VWA3A: variants seen among roughly 807,000 people sequenced by gnomAD.
VWA3A encodes the protein von Willebrand factor A domain containing 3A.
VWA3A carries 134 observed loss-of-function variants against 160.4 expected under a neutral mutation model. The ratio of observed to expected loss-of-function variants is 0.84; its 90% CI spans 0.73 to 0.96. The LOEUF is 0.96. VWA3A is among the 40% of genes least tolerant of loss of function. The probability of loss-of-function intolerance (pLI) is 0.00; values close to 1 mark genes in which losing one functional copy is unlikely to be tolerated. For synonymous variants in VWA3A, 476 were observed against 543.4 expected (o/e 0.88, Z 1.72); for missense variants, 1,310 against 1,447.9 (o/e 0.90, Z 1.55).
intron 22 of VWA3A, 162 bp downstream of exon 22, chr16:22,138,674 C>G: frequency 1.0e-6 from 1 of 952,434 alleles, no homozygotes; most frequent in East Asian, 2.7e-5. Flanking sequence ...GGGGGAAAAT[C>G]TCCCGCGGGG....
chr16:22,108,101 C>A (rs1451451763), intron 6 of VWA3A, among the ~76,000 whole-genome samples: 1 of 152,110 alleles, frequency 6.6e-6, no homozygotes, highest in Non-Finnish European at 1.5e-5. Context: ...ATCACCTTGA[C>A]ATGTGTGGTT....
chr16:22,109,731 G>T (rs377215054), intron 7 of VWA3A, among the ~76,000 whole-genome samples, 151 bp downstream of exon 7: 1 of 152,180 alleles, frequency 6.6e-6, no homozygotes, highest in Non-Finnish European at 1.5e-5. Context: ...TGTGGTTAGA[G>T]AACTATGTTG....
intron 11 of VWA3A, among the ~76,000 whole-genome samples, chr16:22,118,016 C>G (rs1409108356): frequency 6.6e-6 from 1 of 152,220 alleles, no homozygotes; most frequent in Non-Finnish European, 1.5e-5. Flanking sequence ...CATGGTGGCT[C>G]ATGCCTGTAA....
At chr16:22,124,664 G>C (rs1223292544) in intron 16 of VWA3A, among the ~76,000 whole-genome samples, 3 of 151,452 alleles carry the variant, frequency 2.0e-5, no homozygotes, top group Non-Finnish European at 4.4e-5. Flanking sequence ...ATCATGTTAG[G>C]ATTGCAGGCA....
intron 5 of VWA3A, among the ~76,000 whole-genome samples, chr16:22,102,077 G>A (rs984231601): frequency 6.6e-6 from 1 of 152,142 alleles, no homozygotes; most frequent in Non-Finnish European, 1.5e-5. Context: ...ATCTTCAGCT[G>A]GGCACAAGTG....
intron 21 of VWA3A, among the ~76,000 whole-genome samples, chr16:22,136,874 TACACACACACACACACACACGCACAC>T (rs1197673363): frequency 7.4e-6 from 1 of 134,490 alleles, no homozygotes; most frequent in Admixed American, 7.4e-5. Context: ...CTACTAAAAA[TACACACACACACACACACACGCACAC>T]ACACACACAC....
At chr16:22,094,808 A>T (rs1484005741) in intron 1 of VWA3A, among the ~76,000 whole-genome samples, 1 of 152,100 alleles carries the variant, frequency 6.6e-6, no homozygotes, top group African/African-American at 2.4e-5. Flanking sequence ...TCTACAAAAA[A>T]TACAAAAATT....
Position 22,148,207 on chromosome 16 carries a change from T to G in VWA3A, c.2885T>G (p.Ile962Arg), listed in dbSNP as rs1347773515. The G allele has an allele frequency of 6.2e-7, 1 of 1,603,064 alleles. No individual in the cohort carries two copies. The highest frequency in any genetic ancestry group is 2.2e-5 in the East Asian group (1 of 44,550). ...FGTVLESKVCILLDTSGSMGP... is the reference protein window; with the variant it reads ...FGTVLESKVCRLLDTSGSMGP... ...ACCGTTTTGGAGAGCAAAGTATGCA[T>G]ATTGCTGGACACGTCAGGGTCCATG... Residue 962 changes from isoleucine to arginine, a missense_variant, in exon 28 of 34, where the codon ATA (isoleucine) becomes AGA (arginine). Coordinates refer to ENST00000389398, the MANE Select transcript of VWA3A (RefSeq NM_173615.5).
intron 13 of VWA3A, 106 bp downstream of exon 13, chr16:22,121,209 G>A (rs1163704961): frequency 5.2e-6 from 8 of 1,532,244 alleles, no homozygotes; most frequent in Non-Finnish European, 7.1e-6. Flanking sequence ...ACTTTGGGAG[G>A]CCAAGAAGGA....
intron 8 of VWA3A, among the ~76,000 whole-genome samples, chr16:22,114,107 T>C (rs2045596405): frequency 6.6e-6 from 1 of 152,138 alleles, no homozygotes; most frequent in Non-Finnish European, 1.5e-5. Flanking sequence ...TTAAATCTAT[T>C]GGCTAGAGAA....
chr16:22,103,327 C>T (rs1332750507), intron 5 of VWA3A, 148 bp from the exon 6 acceptor site: 4 of 680,770 alleles, frequency 5.9e-6, no homozygotes, highest in African/African-American at 1.8e-5. Flanking sequence ...CACTACAGTG[C>T]ACCTAAAAGG....
chr16:22,152,056 C>T (rs932335513), intron 30 of VWA3A, among the ~76,000 whole-genome samples: 1 of 152,116 alleles, frequency 6.6e-6, no homozygotes, highest in Non-Finnish European at 1.5e-5. Flanking sequence ...TAAAAACATA[C>T]AAAAATGAGC....
chr16:22,141,729 C>T, intron 24 of VWA3A, 37 bp downstream of exon 24: 1 of 1,555,920 alleles, frequency 6.4e-7, no homozygotes. Context: ...GGACAGCCCC[C>T]TGGCCCTGGG....
intron 1 of VWA3A, among the ~76,000 whole-genome samples, chr16:22,096,406 G>A (rs557323761): frequency 1.3e-5 from 2 of 152,278 alleles, no homozygotes; most frequent in East Asian, 1.9e-4. Flanking sequence ...GCTGCCATAA[G>A]TTATGTTAGC....
At chr16:22,113,705 C>T (rs2045590778) in intron 8 of VWA3A, among the ~76,000 whole-genome samples, 1 of 152,022 alleles carries the variant, frequency 6.6e-6, no homozygotes, top group Non-Finnish European at 1.5e-5. Context: ...CTCAAATGAT[C>T]CTCCAGCCTC....
chr16:22,092,693 G>A (rs1185573722), intron 1 of VWA3A, 42 bp downstream of exon 1: 2 of 1,549,760 alleles, frequency 1.3e-6, no homozygotes, highest in Admixed American at 2.0e-5. Flanking sequence ...GTGGTGAGAG[G>A]GTGTCGGGGA....
At chr16:22,141,112 G>A (rs897563538) in intron 23 of VWA3A, 1 of 447,114 alleles carries the variant, frequency 2.2e-6, no homozygotes, top group Non-Finnish European at 4.5e-6. Flanking sequence ...TAAGGATCAT[G>A]TGCCACTAGT....
At chr16:22,134,646 TGGTG>T (rs1038642067) in intron 21 of VWA3A, among the ~76,000 whole-genome samples, 8 of 150,924 alleles carry the variant, frequency 5.3e-5, no homozygotes, top group African/African-American at 2.0e-4. Context: ...CCCTGGCTTC[TGGTG>T]GCAATTGGTG....
At position 22,123,651 on chromosome 16, in the gene VWA3A, G is replaced by A; in HGVS notation, c.1476G>A (p.Arg492=). The change falls in exon 16 of 34, where the codon CGG becomes CGA. Residue 492 remains arginine, a synonymous_variant. Transcript: ENST00000389398. ...LSRAMRMYER[R]IEWLSLASRR... ...GAGCTATGCGGATGTATGAGAGGCG[G>A]ATTGAGTGGCTCTCCCTGGCCAGCA... 6.2e-7 allele frequency: 1 copy of A among 1,613,988 alleles called. No homozygotes were observed. Among genetic ancestry groups the A allele is most frequent in the African/African-American group, 1.3e-5 (1 of 75,046 alleles).
Sources: allele counts gnomAD v4.1 joint callset (sites outside exome capture counted in the v4.1 genomes callset), GRCh38; gene constraint gnomAD v4.1.1; transcripts MANE v1.5; gene names NCBI Gene and HGNC (gene_info 2026-07-23, HGNC 2026-07-21).